TMEFF1: variants seen among roughly 807,000 people sequenced by gnomAD.
TMEFF1 encodes tomoregulin-1.
TMEFF1 carries 20 observed loss-of-function variants against 47.5 expected under a neutral mutation model. The ratio of observed to expected loss-of-function variants is 0.42; its 90% CI spans 0.30 to 0.61. The LOEUF is 0.61. Ranked by LOEUF, TMEFF1 falls within the 20% of genes least tolerant of loss-of-function variation. The pLI is 0.19. For synonymous variants in TMEFF1, 162 were observed against 166.3 expected, an observed-to-expected ratio of 0.97 and a Z score of 0.20; for missense variants, 411 against 471.1, an observed-to-expected ratio of 0.87 and a Z score of 1.18.
chr9:100,539,327 G>A (rs765981258), intron 5 of TMEFF1, among the ~76,000 whole-genome samples: 1 of 152,168 alleles, frequency 6.6e-6, no homozygotes, highest in Non-Finnish European at 1.5e-5. Context: ...TTCCTACTGT[G>A]TCCGGAATTG....
At chr9:100,574,199 C>T (rs550377088) in intron 9 of TMEFF1, among the ~76,000 whole-genome samples, 2 of 152,144 alleles carry the variant, frequency 1.3e-5, no homozygotes, top group Non-Finnish European at 2.9e-5. Flanking sequence ...AGGGGAAGGA[C>T]TTGGTATAAA....
chr9:100,540,898 C>T (rs943787856), intron 5 of TMEFF1, among the ~76,000 whole-genome samples: 4 of 151,906 alleles, frequency 2.6e-5, no homozygotes, highest in African/African-American at 9.7e-5. Flanking sequence ...CTCCCCTTTC[C>T]CATTGATCAC....
chr9:100,514,336 A>G (rs996003389), intron 4 of TMEFF1, among the ~76,000 whole-genome samples: 1 of 151,930 alleles, frequency 6.6e-6, no homozygotes, highest in Non-Finnish European at 1.5e-5. Context: ...AAATGATTAA[A>G]GCTTTCAAAC....
In TMEFF1 at chr9:100,572,781, G is replaced by T. The variant is rs1276445013; in HGVS notation, c.1058+105G>T. The T allele has an allele frequency of 3.7e-6, 5 of 1,358,242 alleles. No homozygotes were observed. In the East Asian group the frequency reaches 7.9e-5, roughly 22 times the overall value. 84.1% of individuals were successfully genotyped at this position (1,358,242 alleles called of 1,614,324 possible). A position where few individuals can be genotyped will look rare whatever the true frequency, so the allele number is the denominator to read the frequency against. On this transcript the variant is annotated intron_variant, in intron 9 of 9. Coordinates refer to ENST00000374879, the MANE Select transcript of TMEFF1 (RefSeq NM_003692.5). The stretch of plus-strand genomic sequence containing the variant: ...TCTATTAGGAAAAATCTTATGATCA[G>T]TTCCCTGAGGTTTTCAGTGGTCTCT...
intron 1 of TMEFF1, among the ~76,000 whole-genome samples, chr9:100,486,391 T>C (rs76998413): frequency 0.044 from 6,654 of 152,132 alleles, 317 homozygotes; most frequent in South Asian, 0.22. Flanking sequence ...TACCGGCGCG[T>C]GCCACCATGC....
intron 9 of TMEFF1, 32 bp from the exon 10 acceptor site, chr9:100,576,484 A>G (rs1180591016): frequency 1.2e-6 from 2 of 1,601,894 alleles, no homozygotes; most frequent in Non-Finnish European, 1.7e-6. Flanking sequence ...TCAAAACAAT[A>G]TTTTTCTCTC....
chr9:100,551,207 G>C (rs1838822532), intron 7 of TMEFF1, among the ~76,000 whole-genome samples: 1 of 152,186 alleles, frequency 6.6e-6, no homozygotes, highest in Non-Finnish European at 1.5e-5. Flanking sequence ...AGTGATAATA[G>C]TACCTGTTTC....
intron 5 of TMEFF1, among the ~76,000 whole-genome samples, chr9:100,544,086 T>TGA (rs1838687707): frequency 1.4e-5 from 2 of 138,694 alleles, no homozygotes; most frequent in East Asian, 4.3e-4. Context: ...ACCTTCATGC[T>TGA]GATATATATA....
intron 6 of TMEFF1, 114 bp downstream of exon 6, chr9:100,548,006 A>G (rs1564024897): frequency 1.7e-6 from 2 of 1,191,356 alleles, no homozygotes; most frequent in African/African-American, 1.6e-5. Flanking sequence ...TCGAAGCTTT[A>G]TTTTTTTATT....
intron 4 of TMEFF1, among the ~76,000 whole-genome samples, chr9:100,513,580 T>C (rs1029973064): frequency 1.3e-5 from 2 of 152,102 alleles, no homozygotes; most frequent in African/African-American, 4.8e-5. Context: ...AAAGAAACCA[T>C]GCACTCCTTA....
At chr9:100,503,324 A>G (rs907080004) in intron 2 of TMEFF1, among the ~76,000 whole-genome samples, 36 of 152,124 alleles carry the variant, frequency 2.4e-4, no homozygotes, top group East Asian at 1.7e-3. Flanking sequence ...CTAATTTGGT[A>G]TATAGAAACA....
In TMEFF1 at chr9:100,496,781, A is replaced by G. The variant is rs569999428; in HGVS notation, c.197-1984A>G. Among the ~76,000 whole-genome samples, 13 of 152,342 alleles carry G rather than the reference A, an allele frequency of 8.5e-5. No individual in the cohort carries two copies. In the South Asian group the frequency reaches 1.7e-3, roughly 19 times the overall value. On this transcript the variant is annotated intron_variant, in intron 1 of 9. Coordinates refer to ENST00000374879, the MANE Select transcript of TMEFF1 (RefSeq NM_003692.5). ...TATTATCTTGCCTCGCAGACAAAAT[A>G]AAAACTTTACTTATTCTTGTTTTTT...
chr9:100,516,554 C>A (rs1838077384), intron 4 of TMEFF1, 121 bp from the exon 5 acceptor site: 2 of 1,266,866 alleles, frequency 1.6e-6, no homozygotes, highest in Non-Finnish European at 2.1e-6. Context: ...TTGGAAGTGA[C>A]TGTTTTCAAG....
At chr9:100,573,939 T>G (rs773882166) in intron 9 of TMEFF1, among the ~76,000 whole-genome samples, 3 of 152,176 alleles carry the variant, frequency 2.0e-5, no homozygotes, top group Non-Finnish European at 4.4e-5. Flanking sequence ...AAAGAGAAGA[T>G]AGGGAAAACA....
At chr9:100,522,875 C>T (rs564271625) in intron 5 of TMEFF1, among the ~76,000 whole-genome samples, 5 of 152,170 alleles carry the variant, frequency 3.3e-5, no homozygotes, top group Non-Finnish European at 7.3e-5. Context: ...GCTGGGACCA[C>T]AGGTGCCCGC....
chr9:100,497,229 A>G (rs1837666419), intron 1 of TMEFF1, among the ~76,000 whole-genome samples: 1 of 151,184 alleles, frequency 6.6e-6, no homozygotes, highest in South Asian at 2.1e-4. Flanking sequence ...GAATGAAAAG[A>G]TGGCCTTCTC....
At chr9:100,476,456 G>A (rs1379650431) in intron 1 of TMEFF1, among the ~76,000 whole-genome samples, 1 of 151,796 alleles carries the variant, frequency 6.6e-6, no homozygotes, top group African/African-American at 2.4e-5. Context: ...GTGCAGTGGC[G>A]CAATCCTGGC....
At chr9:100,571,199 GAC>G (rs1473630235) in intron 8 of TMEFF1, among the ~76,000 whole-genome samples, 4 of 152,048 alleles carry the variant, frequency 2.6e-5, no homozygotes, top group Admixed American at 6.6e-5. Flanking sequence ...ATGTTCAGAG[GAC>G]TGTAAATGTT....
chr9:100,518,520 A>C, intron 5 of TMEFF1: 1 of 985,396 alleles, frequency 1.0e-6, no homozygotes, highest in Non-Finnish European at 1.2e-6. Flanking sequence ...GAGCACATAG[A>C]CAGTGACAAG....
Sources: allele counts gnomAD v4.1 joint callset (sites outside exome capture counted in the v4.1 genomes callset), GRCh38; gene constraint gnomAD v4.1.1; transcripts MANE v1.5; gene names NCBI Gene and HGNC (gene_info 2026-07-23, HGNC 2026-07-21).